The following CNBD1 variants were observed in gnomAD, a reference collection of about 807,000 sequenced individuals.
The protein encoded by CNBD1 is cyclic nucleotide binding domain containing 1, also known as cyclic nucleotide-binding domain-containing protein 1.
A neutral mutation model predicts 54.4 loss-of-function variants in CNBD1; 71 were observed. The observed-to-expected ratio is 1.30, with a 90% CI of 1.08 to 1.59. CNBD1 has a LOEUF of 1.59. Among genes scored for constraint, CNBD1 ranks in the 40% most tolerant of loss-of-function variants. The pLI is 0.00. For missense variants in CNBD1, 659 were observed against 518.0 expected (o/e 1.27, Z -2.64); for synonymous variants, 182 against 170.7 (o/e 1.07, Z -0.51).
At chr8:87,359,738 AC>A (rs1440810288) in intron 10 of CNBD1, among the ~76,000 whole-genome samples, 2 of 152,094 alleles carry the variant, frequency 1.3e-5, no homozygotes, top group African/African-American at 4.8e-5. Context: ...CAAGTTGAAG[AC>A]AAATGAAAAT....
intron 4 of CNBD1, among the ~76,000 whole-genome samples, chr8:87,174,033 A>T (rs1430154272): frequency 6.6e-6 from 1 of 151,970 alleles, no homozygotes; most frequent in Non-Finnish European, 1.5e-5. Context: ...ATCTCGGCTC[A>T]CTGCAACCTC....
intron 4 of CNBD1, among the ~76,000 whole-genome samples, chr8:87,047,652 A>G (rs1021534231): frequency 6.6e-5 from 10 of 152,348 alleles, no homozygotes; most frequent in African/African-American, 2.4e-4. Context: ...CACAGGGTGT[A>G]ACCCTACTGC....
intron 8 of CNBD1, among the ~76,000 whole-genome samples, chr8:87,328,285 A>C (rs1462777093): frequency 6.6e-6 from 1 of 152,004 alleles, no homozygotes; most frequent in Non-Finnish European, 1.5e-5. Context: ...AGTTGACAAC[A>C]TATGTGTGAA....
rs74986520 is a variant in CNBD1, at chr8:87,404,669, G to C, written c.214-23877G>C. On this transcript the variant is annotated intron_variant, in intron 2 of 7. Coordinates refer to the CNBD1 transcript ENST00000521593. ...TGTAGTACCCACAGTGTATACATCT[G>C]TGTTTAAATTTGGGTTTAGCTGCTT... Among the ~76,000 whole-genome samples the C allele has an allele frequency of 4.5e-3, 689 of 152,186 alleles. 28 individuals carry two copies. In the East Asian group the frequency reaches 0.061, roughly 13 times the overall value.
chr8:87,273,234 T>A (rs904605145), intron 6 of CNBD1, among the ~76,000 whole-genome samples: 8 of 151,980 alleles, frequency 5.3e-5, no homozygotes, highest in Admixed American at 4.0e-4. Context: ...GTTTAATTTT[T>A]AAAATATATA....
intron 4 of CNBD1, among the ~76,000 whole-genome samples, chr8:87,123,820 G>A (rs1383597548): frequency 6.6e-6 from 1 of 151,414 alleles, no homozygotes; most frequent in Non-Finnish European, 1.5e-5. Context: ...AAATATAAGA[G>A]CACACATTAT....
chr8:86,875,628 A>T (rs1253660534), intron 1 of CNBD1, among the ~76,000 whole-genome samples: 1 of 152,048 alleles, frequency 6.6e-6, no homozygotes. Context: ...GTACTTTCAG[A>T]AATTTGTAGC....
intron 4 of CNBD1, among the ~76,000 whole-genome samples, chr8:86,953,724 A>G (rs1404628216): frequency 6.6e-6 from 1 of 152,044 alleles, no homozygotes; most frequent in Non-Finnish European, 1.5e-5. Context: ...AAAATTAGCC[A>G]GGCATGATGG....
chr8:87,258,698 C>G (rs932711999), intron 6 of CNBD1, among the ~76,000 whole-genome samples: 1 of 152,096 alleles, frequency 6.6e-6, no homozygotes, highest in Non-Finnish European at 1.5e-5. Context: ...TTCAGTAAAC[C>G]TTGTATACAA....
chr8:87,046,419 T>C (rs1240618610), intron 4 of CNBD1, among the ~76,000 whole-genome samples: 1 of 152,176 alleles, frequency 6.6e-6, no homozygotes, highest in Non-Finnish European at 1.5e-5. Context: ...GGGTACTTTC[T>C]AGAAAGGAGC....
chr8:87,265,518 C>G (rs1172297398), intron 6 of CNBD1, among the ~76,000 whole-genome samples: 1 of 151,930 alleles, frequency 6.6e-6, no homozygotes, highest in African/African-American at 2.4e-5. Context: ...AAGTATTTTT[C>G]ACATAAGATA....
At chr8:87,301,845 G>A (rs1404225663) in intron 8 of CNBD1, among the ~76,000 whole-genome samples, 1 of 152,102 alleles carries the variant, frequency 6.6e-6, no homozygotes, top group Non-Finnish European at 1.5e-5. Flanking sequence ...TACCATCAGA[G>A]AATAATATAA....
intron 4 of CNBD1, among the ~76,000 whole-genome samples, chr8:86,975,595 C>T (rs1233082374): frequency 1.3e-5 from 2 of 151,836 alleles, no homozygotes; most frequent in Non-Finnish European, 2.9e-5. Flanking sequence ...TGTTCCATTT[C>T]GTGTATATAC....
rs1437098668 is a variant in CNBD1, at chr8:87,227,828, C to T, written c.578-9091C>T. Among the ~76,000 whole-genome samples, 336 of 148,856 alleles carry T rather than the reference C, an allele frequency of 2.3e-3. 2 individuals carry two copies. The highest frequency in any genetic ancestry group is 7.9e-3 in the African/African-American group (314 of 39,504). The stretch of plus-strand genomic sequence containing the variant: ...GGAAATTCTCCTGGATAATATCCTG[C>T]AGAGTGTTTTCTAACTTGGTTCCAT... On this transcript the variant is annotated intron_variant, in intron 5 of 10. Transcript: ENST00000518476.
intron 2 of CNBD1, among the ~76,000 whole-genome samples, chr8:87,398,852 A>G (rs951861969): frequency 6.6e-6 from 1 of 152,046 alleles, no homozygotes; most frequent in African/African-American, 2.4e-5. Flanking sequence ...TATTGTTTTC[A>G]GAATATTTAC....
intron 2 of CNBD1, among the ~76,000 whole-genome samples, chr8:87,424,697 G>A (rs747350534): frequency 2.6e-5 from 4 of 152,192 alleles, no homozygotes; most frequent in African/African-American, 9.6e-5. Flanking sequence ...TCCGCTGTTA[G>A]TCTGATGGGC....
At chr8:87,024,254 A>G (rs1298856833) in intron 4 of CNBD1, among the ~76,000 whole-genome samples, 2 of 151,240 alleles carry the variant, frequency 1.3e-5, no homozygotes, top group Admixed American at 6.6e-5. Context: ...AAAAGAAAAA[A>G]AAAAAAAAAA....
intron 6 of CNBD1, among the ~76,000 whole-genome samples, chr8:87,265,079 C>G (rs549123094): frequency 1.1e-4 from 17 of 152,196 alleles, no homozygotes; most frequent in African/African-American, 3.9e-4. Flanking sequence ...CTTGCCCATG[C>G]CTATGTCCTG....
intron 2 of CNBD1, among the ~76,000 whole-genome samples, chr8:87,394,462 CCT>C (rs1221578329): frequency 1.3e-5 from 2 of 151,718 alleles, no homozygotes; most frequent in East Asian, 3.9e-4. Flanking sequence ...TGCATTCTCC[CCT>C]TATTCTTTCT....
Sources: gnomAD v4.1 joint callset for allele counts (sites outside exome capture counted in the v4.1 genomes callset) on GRCh38, gnomAD v4.1.1 for gene constraint, MANE v1.5 for transcripts, NCBI Gene and HGNC (gene_info 2026-07-23, HGNC 2026-07-21) for gene names.